The following FAM81B variants were observed in gnomAD, a reference collection of about 807,000 sequenced individuals.
FAM81B encodes family with sequence similarity 81 member B, also known as protein FAM81B.
Under a neutral mutation model 58.7 loss-of-function variants are expected in FAM81B, and 60 were observed. The ratio of observed to expected loss-of-function variants is 1.02; its 90% CI spans 0.83 to 1.27. FAM81B has a LOEUF of 1.27. FAM81B is among the 50% of genes most tolerant of loss of function. FAM81B has a pLI of 0.00. For synonymous variants in FAM81B, 189 were observed against 179.6 expected (o/e 1.05, Z -0.42); for missense variants, 491 against 522.0 (o/e 0.94, Z 0.58).
chr5:95,403,705 A>G (rs1322855886), intron 3 of FAM81B, among the ~76,000 whole-genome samples: 1 of 152,214 alleles, frequency 6.6e-6, no homozygotes, highest in Non-Finnish European at 1.5e-5. Flanking sequence ...CATCATGCAC[A>G]GACAGGACAA....
intron 5 of FAM81B, among the ~76,000 whole-genome samples, chr5:95,426,241 A>G (rs892765112): frequency 2.0e-5 from 3 of 151,754 alleles, no homozygotes; most frequent in African/African-American, 4.8e-5. Flanking sequence ...TTGTTCTTTG[A>G]GGCATGATAT....
At chr5:95,437,633 G>A (rs1037913290) in intron 7 of FAM81B, among the ~76,000 whole-genome samples, 3 of 152,110 alleles carry the variant, frequency 2.0e-5, no homozygotes, top group Admixed American at 6.5e-5. Flanking sequence ...CACTGTGTCC[G>A]GCCTACATTA....
At chr5:95,406,048 C>G (rs1762235072) in intron 3 of FAM81B, 1 of 154,280 alleles carries the variant, frequency 6.5e-6, no homozygotes, top group East Asian at 1.9e-4. Flanking sequence ...GGAGTCAGAA[C>G]AACTGGTCCC....
At chr5:95,398,975 A>T (rs768111535) in intron 3 of FAM81B, among the ~76,000 whole-genome samples, 3 of 152,238 alleles carry the variant, frequency 2.0e-5, no homozygotes, top group Non-Finnish European at 4.4e-5. Flanking sequence ...ATGAATCCTG[A>T]GTTTCTGCTG....
At chr5:95,434,622 G>A (rs879402485) in intron 6 of FAM81B, among the ~76,000 whole-genome samples, 8 of 152,228 alleles carry the variant, frequency 5.3e-5, no homozygotes, top group South Asian at 4.1e-4. Flanking sequence ...ACATCTTTTC[G>A]AGCCCATTCT....
intron 3 of FAM81B, among the ~76,000 whole-genome samples, chr5:95,412,611 T>C (rs1314258638): frequency 1.3e-5 from 2 of 152,318 alleles, no homozygotes; most frequent in East Asian, 1.9e-4. Context: ...ACAAATTTTA[T>C]TGATGACACC....
At chr5:95,449,983 A>G (rs985397117) in intron 9 of FAM81B, among the ~76,000 whole-genome samples, 166 bp from the exon 10 acceptor site, 3 of 152,266 alleles carry the variant, frequency 2.0e-5, no homozygotes, top group African/African-American at 7.2e-5. Context: ...GATCTTCATG[A>G]CATACAAGAA....
intron 3 of FAM81B, among the ~76,000 whole-genome samples, chr5:95,400,128 T>C (rs1385376730): frequency 6.6e-6 from 1 of 152,216 alleles, no homozygotes; most frequent in Non-Finnish European, 1.5e-5. Flanking sequence ...ACATTTCTCC[T>C]GGGCTAGGAG....
chr5:95,405,144 T>C (rs1296753264), intron 3 of FAM81B, among the ~76,000 whole-genome samples: 1 of 152,160 alleles, frequency 6.6e-6, no homozygotes, highest in Non-Finnish European at 1.5e-5. Flanking sequence ...TAACCGTGGG[T>C]TTGGAGCCTA....
intron 6 of FAM81B, among the ~76,000 whole-genome samples, chr5:95,434,149 G>C (rs1387206709): frequency 6.6e-6 from 1 of 152,120 alleles, no homozygotes; most frequent in Non-Finnish European, 1.5e-5. Context: ...TCAAAATTTG[G>C]GAGGGGCTAG....
rs1261339928 is a variant in FAM81B at position 95,392,801 on chromosome 5, T to A, written c.132T>A (p.Asn44Lys). 1 of 1,608,850 alleles carries A rather than the reference T, an allele frequency of 6.2e-7. No individual in the cohort carries two copies. The highest frequency in any genetic ancestry group is 1.3e-5 in the African/African-American group (1 of 74,786). Residue 44 changes from asparagine to lysine, a missense_variant, in exon 2 of 10, where the codon AAT becomes AAA. Physicochemically the swap from Asn to Lys is moderately conservative, Grantham distance 94. Transcript: ENST00000283357. ...GKASIMSSDTNVNKSASPTAT... is the reference protein window; with the variant it reads ...GKASIMSSDTKVNKSASPTAT... Reference sequence around the variant, plus strand: ...AGCATTCTGGTTACCTAGATACAAATGTAAACAAAAGTGCCTCTCCAACTG... The same window carrying A: ...AGCATTCTGGTTACCTAGATACAAAAGTAAACAAAAGTGCCTCTCCAACTG...
intron 6 of FAM81B, among the ~76,000 whole-genome samples, chr5:95,429,773 A>C (rs548022294): frequency 6.6e-6 from 1 of 152,194 alleles, no homozygotes; most frequent in South Asian, 2.1e-4. Flanking sequence ...CATAGAAGGC[A>C]ACTTATCTGG....
chr5:95,402,707 G>A (rs79061575), intron 3 of FAM81B, among the ~76,000 whole-genome samples: 10 of 152,080 alleles, frequency 6.6e-5, no homozygotes, highest in Admixed American at 2.0e-4. Flanking sequence ...GTCTGCCCTC[G>A]CATTGCTCTC....
chr5:95,424,736 TGA>T (rs1267383713), intron 5 of FAM81B, among the ~76,000 whole-genome samples: 1 of 152,186 alleles, frequency 6.6e-6, no homozygotes, highest in Non-Finnish European at 1.5e-5. Context: ...GGAGAGGAAC[TGA>T]GAGAGGCAGT....
At chr5:95,424,424 A>G (rs892375482) in intron 5 of FAM81B, among the ~76,000 whole-genome samples, 1 of 151,108 alleles carries the variant, frequency 6.6e-6, no homozygotes, top group Non-Finnish European at 1.5e-5. Context: ...TTTCAACGAA[A>G]TTAAGAACAA....
chr5:95,407,261 TAC>T (rs5869678), intron 3 of FAM81B, among the ~76,000 whole-genome samples: 5,579 of 143,662 alleles, frequency 0.039, 270 homozygotes, highest in African/African-American at 0.095. Flanking sequence ...TGTTCTCTTT[TAC>T]ACACACACAC....
chr5:95,406,037 C>T (rs253714), intron 3 of FAM81B: 1 of 154,042 alleles, frequency 6.5e-6, no homozygotes, highest in Non-Finnish European at 1.5e-5. Flanking sequence ...TGACATTTCA[C>T]GGAGTCAGAA....
chr5:95,439,236 G>GTATATATATA (rs577076287), intron 7 of FAM81B, among the ~76,000 whole-genome samples: 4,740 of 104,828 alleles, frequency 0.045, 210 homozygotes, highest in Non-Finnish European at 0.062. Context: ...AGGTTAAAGA[G>GTATATATATA]TATATATATA....
chr5:95,432,516 G>A (rs1166536535), intron 6 of FAM81B, among the ~76,000 whole-genome samples: 2 of 151,966 alleles, frequency 1.3e-5, no homozygotes, highest in East Asian at 3.8e-4. Flanking sequence ...GATTTGATGG[G>A]GAAGGAAGCC....
Sources: gnomAD v4.1 joint callset for allele counts (sites outside exome capture counted in the v4.1 genomes callset) on GRCh38, gnomAD v4.1.1 for gene constraint, MANE v1.5 for transcripts, NCBI Gene and HGNC (gene_info 2026-07-23, HGNC 2026-07-21) for gene names.